Variants in PLTP observed in about 807,000 individuals in gnomAD.
PLTP encodes the protein phospholipid transfer protein.
A neutral mutation model predicts 54.1 loss-of-function variants in PLTP; 43 were observed. The observed-to-expected ratio is 0.79, with a 90% CI of 0.62 to 1.02. The LOEUF (loss-of-function observed/expected upper bound fraction) is 1.02. Among genes scored for constraint, PLTP ranks in the 50% least tolerant of loss-of-function variants. The probability of loss-of-function intolerance (pLI) is 0.00; values close to 1 mark genes in which losing one functional copy is unlikely to be tolerated. For synonymous variants in PLTP, 263 were observed against 264.6 expected (o/e 0.99, Z 0.06); for missense variants, 604 against 645.9 (o/e 0.94, Z 0.70).
chr20:45,909,458 T>G (rs1419478845), intron 5 of PLTP, 58 bp downstream of exon 5: 2 of 1,592,976 alleles, frequency 1.3e-6, no homozygotes, highest in Non-Finnish European at 8.6e-7. Flanking sequence ...TGCATTGCGC[T>G]AGGCAGATGA....
At chr20:45,911,832 G>T (rs2083297135) in intron 1 of PLTP, 4 of 358,278 alleles carry the variant, frequency 1.1e-5, no homozygotes, top group South Asian at 7.4e-5. Context: ...GACTGCACGC[G>T]CATTCTTGGA....
At chr20:45,911,033 C>T (rs963549538) in intron 3 of PLTP, 119 bp downstream of exon 3, 1 of 1,603,334 alleles carries the variant, frequency 6.2e-7, no homozygotes, top group Non-Finnish European at 8.5e-7. Flanking sequence ...CTTGCCTCAT[C>T]GATTTGGCCA....
rs759601677 is a variant in PLTP at position 45,899,039 on chromosome 20, G to C, written c.1384C>G (p.Leu462Val). Residue 462 changes from leucine (L) to valine (V), a missense_variant, in exon 16 of 16, where the codon CTC becomes GTC. Transcript: ENST00000372431. ...HAGFLTIGADLHFAKGLREVI... is the reference protein window; with the variant it reads ...HAGFLTIGADVHFAKGLREVI... Reference sequence around the variant, plus strand: ...TCTCGCAGCCCTTTGGCAAAGTGGAGATCAGCCCCGATGGTGAGGAATCCC... The same window carrying C: ...TCTCGCAGCCCTTTGGCAAAGTGGACATCAGCCCCGATGGTGAGGAATCCC... The C allele has an allele frequency of 1.9e-6, 3 of 1,614,228 alleles. No homozygotes were observed. Among genetic ancestry groups the C allele is most frequent in the South Asian group, 2.2e-5 (2 of 91,088 alleles).
In PLTP at chr20:45,910,037, G is replaced by A. The variant is rs557169130; in HGVS notation, c.234C>T (p.Ser78=). The A allele has an allele frequency of 7.2e-5, 116 of 1,614,126 alleles. No individual in the cohort carries two copies. In the South Asian group the frequency reaches 8.7e-4, roughly 12 times the overall value. Residue 78 remains serine, a synonymous_variant, in exon 4 of 16, where the codon TCC becomes TCT. Coordinates refer to ENST00000372431, the MANE Select transcript of PLTP (RefSeq NM_006227.4). ...VKVTELQLTS[S]ELDFQPQQEL... is the part of the protein sequence containing the mutation. ...CCTGCTGTGGCTGGAAATCGAGCTC[G>A]GAAGATGTCAGTTGCAGCTCTGTGA...
rs1213808940 is a variant in PLTP, at chr20:45,911,009, C to G, written c.200+143G>C. ...TTGGCCTTTATCTTTTCGGCCCCAT[C>G]CGGTTTCTTAAGTCTTGCCTCATCG... On this transcript the variant is annotated intron_variant, in intron 3 of 15. Transcript: ENST00000372431. The G allele has an allele frequency of 2.5e-6, 4 of 1,572,500 alleles. No homozygotes were observed. The African/African-American group carries it at 4.1e-5, about 16-fold the overall frequency.
In PLTP at chr20:45,899,691, A is replaced by C. The variant is rs1291790087; in HGVS notation, c.1219-6T>G. 1 of 1,613,952 alleles carries C rather than the reference A, an allele frequency of 6.2e-7. No individual in the cohort carries two copies. The highest frequency in any genetic ancestry group is 1.3e-5 in the African/African-American group (1 of 74,866). ...GGGGCCTGTAATGGGATCAGCTGGG[A>C]GGGGCGAGGGCGGAAACAGGGCAGT... is the stretch of plus-strand genomic sequence containing the variant. On this transcript the variant is annotated splice_polypyrimidine_tract_variant and splice_region_variant and intron_variant, in intron 13 of 15. Coordinates refer to ENST00000372431, the MANE Select transcript of PLTP (RefSeq NM_006227.4).
In PLTP at chr20:45,899,472, G is replaced by A. The variant is rs765637739; in HGVS notation, c.1349C>T (p.Thr450Met). Residue 450 changes from threonine (T) to methionine (M), a missense_variant, in exon 15 of 16, where the codon ACG becomes ATG. Transcript: ENST00000372431. The stretch of plus-strand genomic sequence containing the variant: ...CCTGCCCCCACTCACCGCATGGTTC[G>A]TCACCACCTCATGCACAAAGTTGAT... ...EGINFVHEVV[T>M]NHAGFLTIGA... 1.7e-5 allele frequency: 28 copies of A among 1,613,900 alleles called. No individual in the cohort carries two copies. The highest frequency in any genetic ancestry group is 3.3e-5 in the Admixed American group (2 of 59,990).
Position 45,907,883 on chromosome 20 carries a change from G to A in PLTP, c.507C>T (p.Ser169=), listed in dbSNP as rs1235538557. The A allele has an allele frequency of 6.3e-7, 1 of 1,586,756 alleles. No homozygotes were observed. Among genetic ancestry groups the A allele is most frequent in the Admixed American group, 1.8e-5 (1 of 54,204 alleles). Residue 169 remains serine (S), a synonymous_variant, in exon 6 of 16, where the codon TCC becomes TCT. Transcript: ENST00000372431. ...AGCGCATCCCTGAGGTGATGAACGT[G>A]GAGAGAAAATCATACACCTTCCTGT... ...GTFKKVYDFL[S]TFITSGMRFL...
rs149739612 is a variant in PLTP at position 45,899,626 on chromosome 20, G to A, written c.1278C>T (p.Leu426=). 1 of 1,614,100 alleles carries A rather than the reference G, an allele frequency of 6.2e-7. No individual in the cohort carries two copies. The highest frequency in any genetic ancestry group is 2.2e-5 in the East Asian group (1 of 44,888). The change falls in exon 14 of 16, where the codon CTC becomes CTT. Residue 426 remains leucine, a synonymous_variant. Transcript: ENST00000372431. The part of the protein sequence containing the change: ...TMLQIGVMPM[L]NERTWRGVQI... ...ATCCTCACACCCCAGCCTTACCATT[G>A]AGCATGGGCATCACCCCAATCTGCA...
intron 3 of PLTP, among the ~76,000 whole-genome samples, chr20:45,910,341 G>A (rs1254932676): frequency 1.3e-5 from 2 of 151,984 alleles, no homozygotes; most frequent in East Asian, 1.9e-4. Flanking sequence ...TGCCAGGTGC[G>A]GTGGTGGCTC....
rs375783601 is a variant in PLTP at position 45,899,516 on chromosome 20, C to T, written c.1305G>A (p.Gln435=). Residue 435 remains glutamine, a synonymous_variant, in exon 15 of 16, where the codon CAG becomes CAA. Coordinates refer to ENST00000372431, the MANE Select transcript of PLTP (RefSeq NM_006227.4). ...MLNERTWRGV[Q]IPLPEGINFV... is the part of the protein sequence containing the mutation. ...AGTTGATGCCCTCAGGTAGTGGGAT[C>T]TGCACCCCACGCCAGGTCCGCTCTG... is the stretch of plus-strand genomic sequence containing the variant. The T allele has an allele frequency of 3.7e-6, 6 of 1,614,026 alleles. No homozygotes were observed. The highest frequency in any genetic ancestry group is 1.3e-5 in the African/African-American group (1 of 74,910).
Position 45,911,475 on chromosome 20 carries a change from G to C in PLTP, c.-11-12C>G, listed in dbSNP as rs1298321122. On this transcript the variant is annotated splice_polypyrimidine_tract_variant and intron_variant, in intron 1 of 15. Coordinates refer to ENST00000372431, the MANE Select transcript of PLTP (RefSeq NM_006227.4). The stretch of plus-strand genomic sequence containing the variant: ...CATGGCGAGCGGGCCTGGGGGTGGG[G>C]TGGGGTCGCAGGAGTTATCTGAGCC... 5.0e-6 allele frequency: 8 copies of C among 1,600,840 alleles called. No individual in the cohort carries two copies. In the Admixed American group the frequency reaches 1.0e-4, roughly 20 times the overall value.
chr20:45,906,167 C>T (rs2083236457), intron 8 of PLTP, 101 bp downstream of exon 8: 12 of 791,982 alleles, frequency 1.5e-5, no homozygotes, highest in Middle Eastern at 2.2e-4. Flanking sequence ...ATGGGAGTGG[C>T]CTCATCAGAG....
Position 45,910,049 on chromosome 20 carries a change from T to C in PLTP, c.222A>G (p.Gln74=). ...NISEVKVTEL[Q]LTSSELDFQP... is the part of the protein sequence containing the mutation. ...GGAAATCGAGCTCGGAAGATGTCAG[T>C]TGCAGCTCTGTGACCTTCACCCTAC... Residue 74 remains glutamine, a synonymous_variant, in exon 4 of 16, where the codon CAA becomes CAG. Coordinates refer to ENST00000372431, the MANE Select transcript of PLTP (RefSeq NM_006227.4). 1 of 1,614,060 alleles carries C rather than the reference T, an allele frequency of 6.2e-7. No individual in the cohort carries two copies. The highest frequency in any genetic ancestry group is 1.1e-5 in the South Asian group (1 of 91,072).
chr20:45,910,220 T>G, intron 3 of PLTP, 150 bp from the exon 4 acceptor site: 1 of 845,406 alleles, frequency 1.2e-6, no homozygotes, highest in Non-Finnish European at 1.9e-6. Flanking sequence ...GTGCCCAACT[T>G]AGACTTGGGT....
rs1341416787 is a variant in PLTP, at chr20:45,907,858, A to T, written c.532T>A (p.Phe178Ile). Residue 178 changes from phenylalanine (F) to isoleucine (I), a missense_variant, in exon 6 of 16, where the codon TTC becomes ATC. Coordinates refer to ENST00000372431, the MANE Select transcript of PLTP (RefSeq NM_006227.4). ...GCCCACACCTGCTGGTTGAGGAGGA[A>T]GCGCATCCCTGAGGTGATGAACGTG... ...LSTFITSGMR[F>I]LLNQQICPVL... The T allele has an allele frequency of 1.3e-6, 2 of 1,598,674 alleles. No homozygotes were observed. Among genetic ancestry groups the T allele is most frequent in the Non-Finnish European group, 1.7e-6 (2 of 1,173,328 alleles).
chr20:45,911,807 C>G, intron 1 of PLTP: 2 of 395,602 alleles, frequency 5.1e-6, no homozygotes, highest in Non-Finnish European at 9.5e-6. Context: ...CAGGCTTGCA[C>G]GTTGCCACGG....
At chr20:45,903,522 G>A (rs2083207027) in intron 10 of PLTP, among the ~76,000 whole-genome samples, 1 of 152,092 alleles carries the variant, frequency 6.6e-6, no homozygotes, top group South Asian at 2.1e-4. Flanking sequence ...GAGCCACCGT[G>A]CCTGGCCATA....
intron 7 of PLTP, among the ~76,000 whole-genome samples, chr20:45,907,339 A>G (rs2083249864): frequency 6.6e-6 from 1 of 151,922 alleles, no homozygotes; most frequent in Non-Finnish European, 1.5e-5. Flanking sequence ...GTGCAAAAAA[A>G]AAAAAAAAAG....
Sources: gnomAD v4.1 joint callset for allele counts (sites outside exome capture counted in the v4.1 genomes callset) on GRCh38, gnomAD v4.1.1 for gene constraint, MANE v1.5 for transcripts, NCBI Gene and HGNC (gene_info 2026-07-23, HGNC 2026-07-21) for gene names.